The following PTPRT variants were observed in gnomAD, a reference collection of about 807,000 sequenced individuals.
PTPRT encodes the protein receptor-type tyrosine-protein phosphatase T.
A neutral mutation model predicts 176.8 loss-of-function variants in PTPRT; 56 were observed. The ratio of observed to expected loss-of-function variants is 0.32; its 90% CI spans 0.26 to 0.40. PTPRT has a LOEUF of 0.40. Among genes scored for constraint, PTPRT ranks in the 10% least tolerant of loss-of-function variants. The pLI, the probability that PTPRT is intolerant of heterozygous loss-of-function variation, is 1.00. For synonymous variants in PTPRT, 783 were observed against 739.0 expected, an observed-to-expected ratio of 1.06 and a Z score of -0.96; for missense variants, 1,540 against 1,908.2, an observed-to-expected ratio of 0.81 and a Z score of 3.60.
chr20:42,122,378 G>A lies in PTPRT; in HGVS notation c.2848-2407C>T, dbSNP rs547061612. ...AAAAGTGTATGCAGGCCTCTCAGGGGACACTGGGATGATGAGACCTTCTTT... is the reference window on the plus strand; with the variant it reads ...AAAAGTGTATGCAGGCCTCTCAGGGAACACTGGGATGATGAGACCTTCTTT... On this transcript the variant is annotated intron_variant, in intron 19 of 30. Transcript: ENST00000373187. Among the ~76,000 whole-genome samples the A allele has an allele frequency of 1.1e-4, 17 of 152,264 alleles. No individual in the cohort carries two copies. The South Asian group carries it at 2.7e-3, about 24-fold the overall frequency.
chr20:42,578,716 G>A (rs2073310009), intron 7 of PTPRT, among the ~76,000 whole-genome samples: 2 of 152,004 alleles, frequency 1.3e-5, no homozygotes, highest in South Asian at 4.2e-4. Context: ...GTCACCATCT[G>A]CCCTATCTCG....
chr20:42,052,686 G>T, the PTPRT span, among the ~76,000 whole-genome samples: 1 of 152,174 alleles, frequency 6.6e-6, no homozygotes, highest in African/African-American at 2.4e-5. Context: ...CCTCACCTCA[G>T]TCTCAGGTGC....
intron 15 of PTPRT, among the ~76,000 whole-genome samples, chr20:42,208,783 A>C (rs1208523314): frequency 6.6e-6 from 1 of 152,340 alleles, no homozygotes; most frequent in African/African-American, 2.4e-5. Context: ...TCAGCTCTGC[A>C]CCGAGTGGAC....
intron 8 of PTPRT, among the ~76,000 whole-genome samples, chr20:42,458,050 G>C (rs1250487450): frequency 1.3e-5 from 2 of 152,116 alleles, no homozygotes; most frequent in Non-Finnish European, 2.9e-5. Context: ...TGTAGACTTG[G>C]AAGTCTTCTC....
intron 11 of PTPRT, among the ~76,000 whole-genome samples, chr20:42,333,785 A>T (rs2058001777): frequency 6.6e-6 from 1 of 152,084 alleles, no homozygotes; most frequent in South Asian, 2.1e-4. Context: ...TTCAAGCTAG[A>T]TTCTTCTGCC....
At chr20:42,935,717 T>TAGTCC (rs545980201) in intron 1 of PTPRT, among the ~76,000 whole-genome samples, 6 of 152,182 alleles carry the variant, frequency 3.9e-5, no homozygotes, top group South Asian at 2.1e-4. Flanking sequence ...CGGTCTAGTC[T>TAGTCC]AGTCCAGTCC....
intron 28 of PTPRT, among the ~76,000 whole-genome samples, chr20:42,085,440 A>G (rs1191676048): frequency 6.6e-6 from 1 of 152,188 alleles, no homozygotes; most frequent in Non-Finnish European, 1.5e-5. Context: ...ATGCCAGTAC[A>G]GAGACACAGT....
intron 7 of PTPRT, among the ~76,000 whole-genome samples, chr20:42,477,672 C>T (rs1306486760): frequency 6.6e-6 from 1 of 152,172 alleles, no homozygotes. Context: ...AAGCCTAGAG[C>T]CTATGGTTTC....
At position 42,909,122 on chromosome 20, in the gene PTPRT, T is replaced by C. The variant is rs146288532; in HGVS notation, c.89-23190A>G. On this transcript the variant is annotated intron_variant, in intron 1 of 30. Coordinates refer to ENST00000373187, the MANE Select transcript of PTPRT (RefSeq NM_007050.6). ...GTGAGCGATGATCTTGCCACTGCACTTCAGTCTGGGCGACAGAGCAAGACC... is the reference window on the plus strand; with the variant it reads ...GTGAGCGATGATCTTGCCACTGCACCTCAGTCTGGGCGACAGAGCAAGACC... Among the ~76,000 whole-genome samples the C allele has an allele frequency of 5.4e-3, 829 of 152,310 alleles. 3 individuals are homozygous for C. The highest frequency in any genetic ancestry group is 0.015 in the Admixed American group (232 of 15,294).
At chr20:42,057,615 G>T in the PTPRT span, among the ~76,000 whole-genome samples, 2 of 152,002 alleles carry the variant, frequency 1.3e-5, no homozygotes, top group South Asian at 4.1e-4. Flanking sequence ...TAGAAACAGG[G>T]TCTTGCTCTG....
intron 7 of PTPRT, among the ~76,000 whole-genome samples, chr20:42,479,678 C>A (rs865892666): frequency 6.6e-6 from 1 of 152,204 alleles, no homozygotes; most frequent in African/African-American, 2.4e-5. Context: ...AATCTGAAAT[C>A]TGAAATATTC....
intron 1 of PTPRT, among the ~76,000 whole-genome samples, chr20:43,179,186 G>T (rs1348938477): frequency 3.9e-5 from 6 of 152,176 alleles, no homozygotes; most frequent in African/African-American, 1.2e-4. Context: ...ACCTTGAAAA[G>T]AATATTGTGA....
intron 2 of PTPRT, among the ~76,000 whole-genome samples, chr20:42,834,910 C>G (rs1185956678): frequency 6.6e-6 from 1 of 152,110 alleles, no homozygotes; most frequent in Admixed American, 6.5e-5. Flanking sequence ...GCCAAACTGT[C>G]AATCAAATGT....
chr20:42,242,838 A>G (rs2056380061), intron 14 of PTPRT, among the ~76,000 whole-genome samples: 1 of 152,088 alleles, frequency 6.6e-6, no homozygotes, highest in Non-Finnish European at 1.5e-5. Flanking sequence ...ATGGCTATGG[A>G]GAAGAAGCCA....
At chr20:42,484,210 T>G (rs1166744151) in intron 7 of PTPRT, among the ~76,000 whole-genome samples, 1 of 152,216 alleles carries the variant, frequency 6.6e-6, no homozygotes, top group Non-Finnish European at 1.5e-5. Context: ...TTGGTAATTT[T>G]TTTTTCCCAC....
chr20:42,426,378 C>G (rs1345631289), intron 9 of PTPRT, among the ~76,000 whole-genome samples: 1 of 152,122 alleles, frequency 6.6e-6, no homozygotes, highest in Non-Finnish European at 1.5e-5. Flanking sequence ...AAACCGGCTG[C>G]TGGATGACCA....
At chr20:42,843,586 C>A (rs977873234) in intron 2 of PTPRT, among the ~76,000 whole-genome samples, 1 of 152,162 alleles carries the variant, frequency 6.6e-6, no homozygotes, top group South Asian at 2.1e-4. Flanking sequence ...TAGAGTTGAG[C>A]AATAGTAAGA....
chr20:42,782,330 C>A (rs1383958387), intron 3 of PTPRT, among the ~76,000 whole-genome samples: 3 of 152,122 alleles, frequency 2.0e-5, no homozygotes, highest in Non-Finnish European at 4.4e-5. Flanking sequence ...ACTCCAAAGC[C>A]CAGCTCTGCA....
At chr20:42,694,910 G>A (rs2075850035) in intron 6 of PTPRT, among the ~76,000 whole-genome samples, 1 of 152,184 alleles carries the variant, frequency 6.6e-6, no homozygotes, top group Non-Finnish European at 1.5e-5. Flanking sequence ...GGCCTGACTA[G>A]GATAGGATCT....
Sources: gnomAD v4.1 joint callset for allele counts (sites outside exome capture counted in the v4.1 genomes callset) on GRCh38, gnomAD v4.1.1 for gene constraint, MANE v1.5 for transcripts, NCBI Gene and HGNC (gene_info 2026-07-23, HGNC 2026-07-21) for gene names.